PWP1: variants seen among roughly 807,000 people sequenced by gnomAD.
PWP1 encodes periodic tryptophan protein 1 homolog.
Under a neutral mutation model 69.9 loss-of-function variants are expected in PWP1, and 47 were observed. The ratio of observed to expected loss-of-function variants is 0.67; its 90% CI spans 0.53 to 0.86. The LOEUF (loss-of-function observed/expected upper bound fraction) is 0.86, where lower values mean the gene tolerates loss of function less well. Ranked by LOEUF, PWP1 falls within the 40% of genes least tolerant of loss-of-function variation. PWP1 has a pLI of 0.00. For synonymous variants in PWP1, 222 were observed against 208.2 expected (o/e 1.07, Z -0.57); for missense variants, 551 against 608.8 (o/e 0.91, Z 1.00).
chr12:107,702,032 T>C (rs1402242441), intron 8 of PWP1, among the ~76,000 whole-genome samples: 1 of 152,206 alleles, frequency 6.6e-6, no homozygotes. Flanking sequence ...AGTACCCTTG[T>C]CAAAAACCAG....
At chr12:107,708,572 T>C (rs962859642) in intron 11 of PWP1, among the ~76,000 whole-genome samples, 3 of 152,206 alleles carry the variant, frequency 2.0e-5, no homozygotes, top group Non-Finnish European at 4.4e-5. Flanking sequence ...CTATCCCTTC[T>C]TCCCTCTCTG....
intron 6 of PWP1, 148 bp downstream of exon 6, chr12:107,696,732 T>G: frequency 7.6e-7 from 1 of 1,311,634 alleles, no homozygotes; most frequent in South Asian, 1.5e-5. Flanking sequence ...ATAGAGTTCT[T>G]AACACACCAT....
intron 1 of PWP1, among the ~76,000 whole-genome samples, chr12:107,687,509 G>C (rs1452196028): frequency 6.6e-6 from 1 of 152,196 alleles, no homozygotes; most frequent in African/African-American, 2.4e-5. Flanking sequence ...AGGTGATTCT[G>C]ATGTACAGAT....
rs145080111 is a variant in PWP1, at chr12:107,707,861, G to C, written c.1078-1065G>C. 4.5e-3 allele frequency among the ~76,000 whole-genome samples: 687 copies of C among 152,074 alleles called. 7 individuals are homozygous for C. Among genetic ancestry groups the C allele is most frequent in the African/African-American group, 0.015 (623 of 41,498 alleles). ...TTCAGGGATATTGGTCTAAAATTCTGTTTTTTCGTTGTGTCTCTGCCGGGC... is the reference window on the plus strand; with the variant it reads ...TTCAGGGATATTGGTCTAAAATTCTCTTTTTTCGTTGTGTCTCTGCCGGGC... On this transcript the variant is annotated intron_variant, in intron 11 of 14. Transcript: ENST00000412830.
At chr12:107,691,651 A>G (rs963378753) in intron 3 of PWP1, among the ~76,000 whole-genome samples, 3 of 151,770 alleles carry the variant, frequency 2.0e-5, no homozygotes, top group Non-Finnish European at 4.4e-5. Flanking sequence ...TCTCTTCCAG[A>G]ATTGGTACGT....
intron 3 of PWP1, among the ~76,000 whole-genome samples, chr12:107,690,976 A>T (rs1317796356): frequency 3.3e-5 from 5 of 152,210 alleles, no homozygotes; most frequent in Non-Finnish European, 7.3e-5. Context: ...GGGCACAGGA[A>T]GATCAGTAAA....
At chr12:107,697,033 CT>C (rs370430034) in intron 6 of PWP1, among the ~76,000 whole-genome samples, 166 of 152,316 alleles carry the variant, frequency 1.1e-3, no homozygotes, top group African/African-American at 3.6e-3. Flanking sequence ...TTAGTTGCCC[CT>C]GTCCGTACTT....
chr12:107,704,263 G>A (rs911769337), intron 10 of PWP1, among the ~76,000 whole-genome samples: 1 of 152,184 alleles, frequency 6.6e-6, no homozygotes, highest in Non-Finnish European at 1.5e-5. Flanking sequence ...CCCCTAACAT[G>A]ATAAACTGCT....
At chr12:107,710,552 T>TAAA (rs35371581) in intron 14 of PWP1, 42 bp downstream of exon 14, 178,869 of 1,049,694 alleles carry the variant, frequency 0.17, 5,995 homozygotes, top group Middle Eastern at 0.19. Context: ...CCTGCCCCTG[T>TAAA]AAAAAAAAAA....
chr12:107,690,704 G>A (rs545736705), intron 3 of PWP1, among the ~76,000 whole-genome samples: 8 of 152,104 alleles, frequency 5.3e-5, no homozygotes, highest in South Asian at 2.1e-4. Flanking sequence ...CTCATGATCC[G>A]CCTGCCTCGG....
At chr12:107,696,954 C>A (rs371892765) in intron 6 of PWP1, among the ~76,000 whole-genome samples, 1 of 152,100 alleles carries the variant, frequency 6.6e-6, no homozygotes, top group African/African-American at 2.4e-5. Context: ...AAGCTAAAAC[C>A]GAAATGAAGA....
In PWP1 at chr12:107,693,103, G is replaced by C. The variant is rs1889517755; in HGVS notation, c.502+7G>C. Reference sequence around the variant, plus strand: ...TGCAATTTAGAGGTGCATGGTAAGTGATAAATCCCTTATTAAAAGATTTTC... The same window carrying C: ...TGCAATTTAGAGGTGCATGGTAAGTCATAAATCCCTTATTAAAAGATTTTC... On this transcript the variant is annotated splice_region_variant and intron_variant, in intron 5 of 14. Transcript: ENST00000412830. 1 of 1,578,094 alleles carries C rather than the reference G, an allele frequency of 6.3e-7. No individual in the cohort carries two copies. Among genetic ancestry groups the C allele is most frequent in the Admixed American group, 2.0e-5 (1 of 51,268 alleles).
At chr12:107,699,184 A>G (rs1889653587) in intron 7 of PWP1, among the ~76,000 whole-genome samples, 189 bp from the exon 8 acceptor site, 1 of 152,144 alleles carries the variant, frequency 6.6e-6, no homozygotes, top group Non-Finnish European at 1.5e-5. Flanking sequence ...GCTTGAATCC[A>G]GGAGGTGGAG....
At chr12:107,689,389 T>C (rs887643032) in intron 3 of PWP1, among the ~76,000 whole-genome samples, 1 of 152,188 alleles carries the variant, frequency 6.6e-6, no homozygotes, top group Non-Finnish European at 1.5e-5. Flanking sequence ...GGTCTTGGAA[T>C]GTATCCCCCG....
chr12:107,694,824 TTATAGA>T (rs1291889297), intron 5 of PWP1, among the ~76,000 whole-genome samples: 1 of 152,186 alleles, frequency 6.6e-6, no homozygotes, highest in African/African-American at 2.4e-5. Flanking sequence ...AGTTAGGTTA[TTATAGA>T]TATACTTTAT....
chr12:107,696,640 A>T, intron 6 of PWP1, 56 bp downstream of exon 6: 1 of 1,601,984 alleles, frequency 6.2e-7, no homozygotes, highest in Non-Finnish European at 8.5e-7. Flanking sequence ...ATTTTCTCCT[A>T]GCTCCATAAA....
At chr12:107,689,796 CAGATT>C (rs1475354259) in intron 3 of PWP1, among the ~76,000 whole-genome samples, 1 of 152,060 alleles carries the variant, frequency 6.6e-6, no homozygotes, top group African/African-American at 2.4e-5. Context: ...GAACAGAAGA[CAGATT>C]AGAAGTAGAA....
At chr12:107,705,111 A>ATGGAT (rs777779716) in intron 11 of PWP1, among the ~76,000 whole-genome samples, 39 of 152,090 alleles carry the variant, frequency 2.6e-4, no homozygotes, top group Non-Finnish European at 4.7e-4. Context: ...TCATGCTTAA[A>ATGGAT]TGGATCTCTA....
rs773021019 is a variant in PWP1, at chr12:107,704,643, G to A, written c.973G>A (p.Ala325Thr). 3 of 1,613,842 alleles carry A rather than the reference G, an allele frequency of 1.9e-6. No individual in the cohort carries two copies. Among genetic ancestry groups the A allele is most frequent in the South Asian group, 2.2e-5 (2 of 91,076 alleles). Reference protein sequence around the residue: ...LISGSYDKSVALYDCRSPDES... With the variant: ...LISGSYDKSVTLYDCRSPDES... ...TTGCCTGAATGTGTCTAGGTCAGTG[G>A]CTTTGTATGACTGCCGAAGTCCAGA... Residue 325 changes from alanine (A) to threonine (T), a missense_variant, in exon 11 of 15, where the codon GCT becomes ACT. Physicochemically the swap from Ala to Thr is moderately conservative, Grantham distance 58. Transcript: ENST00000412830.
Sources: gnomAD v4.1 joint callset for allele counts (sites outside exome capture counted in the v4.1 genomes callset) on GRCh38, gnomAD v4.1.1 for gene constraint, MANE v1.5 for transcripts, NCBI Gene and HGNC (gene_info 2026-07-23, HGNC 2026-07-21) for gene names.